DMXL1: variants seen among roughly 807,000 people sequenced by gnomAD.
DMXL1 encodes the protein dmX-like protein 1.
Under a neutral mutation model 319.2 loss-of-function variants are expected in DMXL1, and 99 were observed. The observed-to-expected ratio is 0.31, with a 90% CI of 0.26 to 0.37. The LOEUF (loss-of-function observed/expected upper bound fraction) is 0.37, where lower values mean the gene tolerates loss of function less well. Ranked by LOEUF, DMXL1 falls within the 10% of genes least tolerant of loss-of-function variation. The probability of loss-of-function intolerance (pLI) is 1.00; values close to 1 mark genes in which losing one functional copy is unlikely to be tolerated. For synonymous variants in DMXL1, 1,385 were observed against 1,235.2 expected, an observed-to-expected ratio of 1.12 and a Z score of -2.54; for missense variants, 3,745 against 3,595.6, an observed-to-expected ratio of 1.04 and a Z score of -1.06.
Position 119,134,404 on chromosome 5 carries a change from T to C in DMXL1, c.2376+15T>C, listed in dbSNP as rs1271701890. On this transcript the variant is annotated intron_variant, in intron 13 of 43. Coordinates refer to ENST00000539542, the MANE Select transcript of DMXL1 (RefSeq NM_001290321.3). ...CTGAAATTTCTGTAAGTAATGTCTT[T>C]TAAAACAGCTTAAGTATATAATATT... 2 of 1,589,984 alleles carry C rather than the reference T, an allele frequency of 1.3e-6. No homozygotes were observed. The highest frequency in any genetic ancestry group is 1.7e-6 in the Non-Finnish European group (2 of 1,165,778).
chr5:119,219,819 C>T (rs2150573792), intron 35 of DMXL1, among the ~76,000 whole-genome samples: 1 of 152,234 alleles, frequency 6.6e-6, no homozygotes, highest in Non-Finnish European at 1.5e-5. Context: ...CTGCCTGCTT[C>T]AGCCTCCTAA....
At chr5:119,093,810 G>T (rs1237865068) in intron 1 of DMXL1, among the ~76,000 whole-genome samples, 12 of 152,146 alleles carry the variant, frequency 7.9e-5, no homozygotes, top group Admixed American at 7.9e-4. Flanking sequence ...TAGCCTTATT[G>T]CTTATATGGA....
At chr5:119,233,072 T>C (rs953125108) in intron 38 of DMXL1, among the ~76,000 whole-genome samples, 3 of 151,868 alleles carry the variant, frequency 2.0e-5, no homozygotes, top group Non-Finnish European at 2.9e-5. Flanking sequence ...TAAGACATCA[T>C]TGAGATAACT....
intron 19 of DMXL1, among the ~76,000 whole-genome samples, chr5:119,163,053 CAT>C (rs1376051977): frequency 2.0e-5 from 3 of 152,154 alleles, no homozygotes; most frequent in Non-Finnish European, 4.4e-5. Flanking sequence ...GAGCAATAAA[CAT>C]GTGTAGGCCA....
chr5:119,131,254 C>A (rs936525285), intron 10 of DMXL1, among the ~76,000 whole-genome samples: 1 of 151,256 alleles, frequency 6.6e-6, no homozygotes, highest in Non-Finnish European at 1.5e-5. Context: ...GAGAAAGGCT[C>A]TATATTGCTA....
At chr5:119,115,043 A>G (rs951428335) in intron 6 of DMXL1, among the ~76,000 whole-genome samples, 5 of 152,188 alleles carry the variant, frequency 3.3e-5, no homozygotes, top group African/African-American at 9.7e-5. Context: ...TTGAAATTAC[A>G]TAGACTTAGG....
chr5:119,172,240 A>G (rs554508300), intron 25 of DMXL1, among the ~76,000 whole-genome samples: 5 of 152,210 alleles, frequency 3.3e-5, no homozygotes, highest in Non-Finnish European at 5.9e-5. Context: ...ATAGGTACGT[A>G]TGAGTCCTTT....
At chr5:119,111,702 A>G (rs1433768932) in intron 5 of DMXL1, among the ~76,000 whole-genome samples, 1 of 152,226 alleles carries the variant, frequency 6.6e-6, no homozygotes, top group Non-Finnish European at 1.5e-5. Context: ...AAATATGTGC[A>G]GTTTTGGGCA....
chr5:119,103,206 A>G (rs1209735578), intron 3 of DMXL1, among the ~76,000 whole-genome samples: 4 of 152,052 alleles, frequency 2.6e-5, no homozygotes, highest in Non-Finnish European at 5.9e-5. Flanking sequence ...TCTTTGCTTA[A>G]CTCTCAAATT....
rs1770757990 is a variant in DMXL1 at position 119,155,282 on chromosome 5, G to A, written c.4702+3246G>A. On this transcript the variant is annotated intron_variant, in intron 19 of 43. Transcript: ENST00000539542. ...GCTATAGATAATTATTCCTCTGATGGATCTGGACAAAGTAAATTGAAAACC... is the reference window on the plus strand; with the variant it reads ...GCTATAGATAATTATTCCTCTGATGAATCTGGACAAAGTAAATTGAAAACC... Among the ~76,000 whole-genome samples, 3 of 152,122 alleles carry A rather than the reference G, an allele frequency of 2.0e-5. No homozygotes were observed. In the South Asian group the frequency reaches 6.2e-4, roughly 31 times the overall value.
intron 38 of DMXL1, 68 bp from the exon 39 acceptor site, chr5:119,233,272 G>A (rs1581468276): frequency 6.6e-7 from 1 of 1,509,098 alleles, no homozygotes; most frequent in Non-Finnish European, 9.1e-7. Context: ...TTTCACATAG[G>A]ATAAAGAAAT....
intron 1 of DMXL1, among the ~76,000 whole-genome samples, chr5:119,079,261 A>G (rs367908884): frequency 7.2e-5 from 11 of 152,220 alleles, no homozygotes; most frequent in East Asian, 3.9e-4. Flanking sequence ...AAGCTGAAAA[A>G]TCCACTTATA....
At position 119,071,626 on chromosome 5, in the gene DMXL1, C is replaced by T. The variant is rs1421588116; in HGVS notation, c.57C>T (p.Ser19=). 2.5e-6 allele frequency: 4 copies of T among 1,601,696 alleles called. No homozygotes were observed. In the Admixed American group the frequency reaches 5.1e-5, roughly 20 times the overall value. ...GAVNPGDHCF[S]VGSIGDQRFT... is the part of the protein sequence containing the mutation. ...TGAACCCTGGCGACCACTGCTTCTC[C>T]GTGGGCAGCATTGGCGACCAGCGCT... The change falls in exon 1 of 44, where the codon TCC becomes TCT. Residue 19 remains serine, a synonymous_variant. Coordinates refer to ENST00000539542, the MANE Select transcript of DMXL1 (RefSeq NM_001290321.3).
intron 8 of DMXL1, among the ~76,000 whole-genome samples, chr5:119,120,399 T>G (rs1761787832): frequency 6.6e-6 from 1 of 152,232 alleles, no homozygotes; most frequent in Non-Finnish European, 1.5e-5. Flanking sequence ...TTGTTCTACC[T>G]TTTGCCCTGC....
In DMXL1 at chr5:119,134,282, T is replaced by A. The variant is rs1458596927; in HGVS notation, c.2269T>A (p.Ser757Thr). The A allele has an allele frequency of 3.1e-6, 5 of 1,612,076 alleles. No homozygotes were observed. The highest frequency in any genetic ancestry group is 3.4e-5 in the Admixed American group (2 of 59,446). Reference sequence around the variant, plus strand: ...ATACTTTCTAGGTGCATACTGCAACTCTCCTAGTGCATGCTTTGTAGCCAG... The same window carrying A: ...ATACTTTCTAGGTGCATACTGCAACACTCCTAGTGCATGCTTTGTAGCCAG... Reference protein sequence around the residue: ...PSYCLGAYCNSPSACFVASDG... With the variant: ...PSYCLGAYCNTPSACFVASDG... Residue 757 changes from serine (S) to threonine (T), a missense_variant, in exon 13 of 44, where the codon TCT becomes ACT. Around this residue, in one of 4 missense-constraint regions of DMXL1, gnomAD observed 2,096 missense variants for 1,985.4 expected, o/e 1.06. Coordinates refer to ENST00000539542, the MANE Select transcript of DMXL1 (RefSeq NM_001290321.3).
chr5:119,172,387 T>C (rs1774765815), intron 25 of DMXL1, among the ~76,000 whole-genome samples: 1 of 152,212 alleles, frequency 6.6e-6, no homozygotes, highest in African/African-American at 2.4e-5. Context: ...TAATGTGAAC[T>C]ATTTGCCCCT....
intron 35 of DMXL1, among the ~76,000 whole-genome samples, chr5:119,219,433 T>A (rs1784264854): frequency 6.6e-6 from 1 of 152,192 alleles, no homozygotes; most frequent in Non-Finnish European, 1.5e-5. Context: ...TTTTTTCATT[T>A]ATTTCTAAGG....
At chr5:119,229,689 T>C (rs1786300414) in intron 38 of DMXL1, among the ~76,000 whole-genome samples, 1 of 152,226 alleles carries the variant, frequency 6.6e-6, no homozygotes, top group Non-Finnish European at 1.5e-5. Context: ...CAAAATTATT[T>C]ATCTATTTTC....
intron 35 of DMXL1, among the ~76,000 whole-genome samples, chr5:119,217,658 TA>T (rs1360645145): frequency 6.6e-6 from 1 of 152,196 alleles, no homozygotes; most frequent in Admixed American, 6.5e-5. Context: ...AGAAGATACC[TA>T]AAGGAGATAT....
Sources: gnomAD v4.1 joint callset for allele counts (sites outside exome capture counted in the v4.1 genomes callset) on GRCh38, gnomAD v4.1.1 for gene constraint, gnomAD v4.1.1 regional missense constraint, MANE v1.5 for transcripts, NCBI Gene and HGNC (gene_info 2026-07-23, HGNC 2026-07-21) for gene names.